Variants in SMIM10L1 observed in about 807,000 individuals in gnomAD.
The protein encoded by SMIM10L1 is small integral membrane protein 10-like protein 1.
In SMIM10L1, 6 loss-of-function variants were observed where a neutral mutation model predicts 4.5. The ratio of observed to expected loss-of-function variants is 1.33; its 90% CI spans 0.73 to 2.62. SMIM10L1 has a LOEUF of 2.62. Ranked by LOEUF, SMIM10L1 falls within the 30% of genes most tolerant of loss-of-function variation. The pLI, the probability that SMIM10L1 is intolerant of heterozygous loss-of-function variation, is 0.00. For missense variants in SMIM10L1, 66 were observed against 86.2 expected (o/e 0.77, Z 0.93); for synonymous variants, 49 against 42.2 (o/e 1.16, Z -0.63).
At position 11,173,968 on chromosome 12, in the gene SMIM10L1, T is replaced by C. The variant is rs1021155387; in HGVS notation, c.*2405T>C. On this transcript the variant is annotated 3_prime_UTR_variant, in exon 1 of 1. Transcript: ENST00000622602. ...TACTACTTACTATATATGTATACAG[T>C]ATATAAGTATATATGTATAGTTACT... The C allele has an allele frequency of 4.0e-5, 6 of 151,370 alleles. No individual in the cohort carries two copies. Among genetic ancestry groups the C allele is most frequent in the African/African-American group, 1.2e-4 (5 of 41,228 alleles). 9.4% of individuals were successfully genotyped at this position (151,370 alleles called of 1,614,324 possible).
rs1002088914 is a variant in SMIM10L1, at chr12:11,173,330, C to CA, written c.*1767_*1768insA. ...ATAGCCTTTTCTACCTGAAGATACT[C>CA]TGTGTTTTAAAGCTAAGCTTAGGTG... On this transcript the variant is annotated 3_prime_UTR_variant, in exon 1 of 1. Coordinates refer to ENST00000622602, the MANE Select transcript of SMIM10L1 (RefSeq NM_001271592.2). The CA allele has an allele frequency of 4.6e-5, 7 of 152,150 alleles. No individual in the cohort carries two copies. Among genetic ancestry groups the CA allele is most frequent in the Admixed American group, 1.3e-4 (2 of 15,276 alleles). 9.4% of individuals were successfully genotyped at this position (152,150 alleles called of 1,614,324 possible).
At position 11,171,386 on chromosome 12, in the gene SMIM10L1, G is replaced by A. The variant is rs1444451649; in HGVS notation, c.30G>A (p.Leu10=). MAPAAAPSS[L]AVRASSPAAT... Reference sequence around the variant, plus strand: ...CCCCCGCGGCGGCTCCGTCCTCCTTGGCCGTCAGGGCCTCAAGCCCCGCCG... The same window carrying A: ...CCCCCGCGGCGGCTCCGTCCTCCTTAGCCGTCAGGGCCTCAAGCCCCGCCG... The change falls in exon 1 of 1, where the codon TTG becomes TTA. Residue 10 remains leucine, a synonymous_variant. Coordinates refer to ENST00000622602, the MANE Select transcript of SMIM10L1 (RefSeq NM_001271592.2). The A allele has an allele frequency of 2.4e-6, 3 of 1,231,880 alleles. No individual in the cohort carries two copies. Among genetic ancestry groups the A allele is most frequent in the Non-Finnish European group, 3.0e-6 (3 of 987,890 alleles). 76.3% of individuals were successfully genotyped at this position (1,231,880 alleles called of 1,614,324 possible).
In SMIM10L1 at chr12:11,174,927, A is replaced by G. The variant is rs748311959; in HGVS notation, c.*3364A>G. 3.3e-5 allele frequency: 5 copies of G among 152,578 alleles called. No individual in the cohort carries two copies. Among genetic ancestry groups the G allele is most frequent in the Non-Finnish European group, 7.4e-5 (5 of 68,022 alleles). 9.5% of individuals were successfully genotyped at this position (152,578 alleles called of 1,614,324 possible). On this transcript the variant is annotated 3_prime_UTR_variant, in exon 1 of 1. Transcript: ENST00000622602. ...TAAATTCCTAAGGTCATGATAACCA[A>G]CCAGACCTCAAATGAATCTCCAGTA...
chr12:11,171,870 T>C lies in SMIM10L1; in HGVS notation c.*307T>C, dbSNP rs1400593691. The C allele has an allele frequency of 1.2e-5, 3 of 243,016 alleles. No homozygotes were observed. The highest frequency in any genetic ancestry group is 1.2e-3 in the Middle Eastern group (1 of 828). 15.1% of individuals were successfully genotyped at this position (243,016 alleles called of 1,614,324 possible). On this transcript the variant is annotated 3_prime_UTR_variant, in exon 1 of 1. Coordinates refer to ENST00000622602, the MANE Select transcript of SMIM10L1 (RefSeq NM_001271592.2). ...AATGTGACAAAGCGCAGAGGATGCA[T>C]TATTTCAAAACAAAACAGAAGGCTA...
chr12:11,174,330 T>G lies in SMIM10L1; in HGVS notation c.*2767T>G, dbSNP rs186540414. On this transcript the variant is annotated 3_prime_UTR_variant, in exon 1 of 1. Transcript: ENST00000622602. ...TCCCCAAGCCTAGAGCACTGCCCAG[T>G]GCGGAATAGCTAATAAATATTGTTG... 3.3e-5 allele frequency: 5 copies of G among 152,304 alleles called. No individual in the cohort carries two copies. In the East Asian group the frequency reaches 9.6e-4, roughly 29 times the overall value. The allele number at this position is 152,304 out of a possible 1,614,324, so 9.4% of individuals were successfully genotyped here. A position where few individuals can be genotyped will look rare whatever the true frequency, so the allele number is the denominator to read the frequency against.
rs1328705478 is a variant in SMIM10L1, at chr12:11,173,060, C to T, written c.*1497C>T. The T allele has an allele frequency of 6.6e-6, 1 of 150,392 alleles. No homozygotes were observed. Among genetic ancestry groups the T allele is most frequent in the Non-Finnish European group, 1.5e-5 (1 of 67,570 alleles). The allele number at this position is 150,392 out of a possible 1,614,324, so 9.3% of individuals were successfully genotyped here. ...AATCAAGATCTGATATAGAAAAGTG[C>T]AGAAAAAGTAGTATACGCATTTTTT... On this transcript the variant is annotated 3_prime_UTR_variant, in exon 1 of 1. Coordinates refer to ENST00000622602, the MANE Select transcript of SMIM10L1 (RefSeq NM_001271592.2).
At position 11,171,731 on chromosome 12, in the gene SMIM10L1, C is replaced by T. The variant is rs1947857081; in HGVS notation, c.*168C>T. ...CTAGCGGAGCTCCTCAGGGGGCGGC[C>T]GGGAGCCTACAATCCCTAGAAAGAG... On this transcript the variant is annotated 3_prime_UTR_variant, in exon 1 of 1. Coordinates refer to ENST00000622602, the MANE Select transcript of SMIM10L1 (RefSeq NM_001271592.2). 1 of 427,150 alleles carries T rather than the reference C, an allele frequency of 2.3e-6. No individual in the cohort carries two copies. Among genetic ancestry groups the T allele is most frequent in the Non-Finnish European group, 3.9e-6 (1 of 253,616 alleles). 26.5% of individuals were successfully genotyped at this position (427,150 alleles called of 1,614,324 possible). A position where few individuals can be genotyped will look rare whatever the true frequency, so the allele number is the denominator to read the frequency against.
In SMIM10L1 at chr12:11,171,411, G is replaced by A. The variant is rs1236090900; in HGVS notation, c.55G>A (p.Ala19Thr). The A allele has an allele frequency of 2.4e-6, 3 of 1,231,940 alleles. No homozygotes were observed. Among genetic ancestry groups the A allele is most frequent in the Non-Finnish European group, 2.0e-6 (2 of 987,920 alleles). The allele number at this position is 1,231,940 out of a possible 1,614,324, so 76.3% of individuals were successfully genotyped here. A position where few individuals can be genotyped will look rare whatever the true frequency, so the allele number is the denominator to read the frequency against. ...GGCCGTCAGGGCCTCAAGCCCCGCCGCGACACCCACCTCGTACGGCGTCTT... is the reference window on the plus strand; with the variant it reads ...GGCCGTCAGGGCCTCAAGCCCCGCCACGACACCCACCTCGTACGGCGTCTT... ...SLAVRASSPA[A>T]TPTSYGVFCK... The change falls in exon 1 of 1, where the codon GCG becomes ACG. Residue 19 changes from alanine (A) to threonine (T), a missense_variant. Coordinates refer to ENST00000622602, the MANE Select transcript of SMIM10L1 (RefSeq NM_001271592.2).
At position 11,175,386 on chromosome 12, in the gene SMIM10L1, G is replaced by T. The variant is rs564682679; in HGVS notation, c.*3823G>T. On this transcript the variant is annotated 3_prime_UTR_variant, in exon 1 of 1. Transcript: ENST00000622602. ...AAATCTTGCAGTTTGCTTTTAATGG[G>T]AGATCTTTCTGGCAGGACATCAATA... The T allele has an allele frequency of 9.9e-5, 15 of 152,272 alleles. No homozygotes were observed. The highest frequency in any genetic ancestry group is 3.6e-4 in the African/African-American group (15 of 41,556). 9.4% of individuals were successfully genotyped at this position (152,272 alleles called of 1,614,324 possible).
rs1369194187 is a variant in SMIM10L1, at chr12:11,173,008, T to C, written c.*1445T>C. The C allele has an allele frequency of 1.3e-5, 2 of 151,898 alleles. No individual in the cohort carries two copies. Among genetic ancestry groups the C allele is most frequent in the East Asian group, 3.9e-4 (2 of 5,186 alleles). The allele number at this position is 151,898 out of a possible 1,614,324, so 9.4% of individuals were successfully genotyped here. A position where few individuals can be genotyped will look rare whatever the true frequency, so the allele number is the denominator to read the frequency against. On this transcript the variant is annotated 3_prime_UTR_variant, in exon 1 of 1. Transcript: ENST00000622602. ...TTCTTCGGATTAAAAAAACTAATAA[T>C]AAATCACCAAGAGTGGTAAAGTTTT...
chr12:11,172,670 C>T lies in SMIM10L1; in HGVS notation c.*1107C>T, dbSNP rs1947880908. On this transcript the variant is annotated 3_prime_UTR_variant, in exon 1 of 1. Transcript: ENST00000622602. ...ATTTGAATACAGCCTAGAGAGCTTT[C>T]ATTTTCCAAAGAGTGTGGGGATAAA... 6.6e-6 allele frequency: 1 copy of T among 152,140 alleles called. No individual in the cohort carries two copies. Among genetic ancestry groups the T allele is most frequent in the African/African-American group, 2.4e-5 (1 of 41,424 alleles). The allele number at this position is 152,140 out of a possible 1,614,324, so 9.4% of individuals were successfully genotyped here.
rs1246109226 is a variant in SMIM10L1, at chr12:11,174,177, A to C, written c.*2614A>C. ...CATGATGCAATTCAGTGAAATTCCC[A>C]GGAGACAAAACAAGATTTTGACCTG... On this transcript the variant is annotated 3_prime_UTR_variant, in exon 1 of 1. Coordinates refer to ENST00000622602, the MANE Select transcript of SMIM10L1 (RefSeq NM_001271592.2). 1 of 152,102 alleles carries C rather than the reference A, an allele frequency of 6.6e-6. No homozygotes were observed. The highest frequency in any genetic ancestry group is 1.5e-5 in the Non-Finnish European group (1 of 67,978). The allele number at this position is 152,102 out of a possible 1,614,324, so 9.4% of individuals were successfully genotyped here.
Position 11,171,892 on chromosome 12 carries a change from G to T in SMIM10L1, c.*329G>T, listed in dbSNP as rs981649931. 1 of 194,478 alleles carries T rather than the reference G, an allele frequency of 5.1e-6. No homozygotes were observed. 12.0% of individuals were successfully genotyped at this position (194,478 alleles called of 1,614,324 possible). A position where few individuals can be genotyped will look rare whatever the true frequency, so the allele number is the denominator to read the frequency against. On this transcript the variant is annotated 3_prime_UTR_variant, in exon 1 of 1. Transcript: ENST00000622602. Reference sequence around the variant, plus strand: ...GCATTATTTCAAAACAAAACAGAAGGCTAAAATTTGCAGGAAAAAGAAAAT... The same window carrying T: ...GCATTATTTCAAAACAAAACAGAAGTCTAAAATTTGCAGGAAAAAGAAAAT...
In SMIM10L1 at chr12:11,171,810, A is replaced by G. The variant is rs1021604745; in HGVS notation, c.*247A>G. Reference sequence around the variant, plus strand: ...GTTAAGACCCTCGAAAACATCTAAGAAAGTGTGCATCCTAAAACACCTGAC... The same window carrying G: ...GTTAAGACCCTCGAAAACATCTAAGGAAGTGTGCATCCTAAAACACCTGAC... On this transcript the variant is annotated 3_prime_UTR_variant, in exon 1 of 1. Transcript: ENST00000622602. 6.0e-5 allele frequency: 21 copies of G among 352,006 alleles called. No homozygotes were observed. Among genetic ancestry groups the G allele is most frequent in the Non-Finnish European group, 3.0e-5 (6 of 196,876 alleles). 21.8% of individuals were successfully genotyped at this position (352,006 alleles called of 1,614,324 possible). A position where few individuals can be genotyped will look rare whatever the true frequency, so the allele number is the denominator to read the frequency against.
In SMIM10L1 at chr12:11,175,072, A is replaced by G. The variant is rs544799827; in HGVS notation, c.*3509A>G. On this transcript the variant is annotated 3_prime_UTR_variant, in exon 1 of 1. Transcript: ENST00000622602. ...TACCTGGGTAATAGTTATTTTTTTTAACATAACTATTGAGGGTCTTTCATA... is the reference window on the plus strand; with the variant it reads ...TACCTGGGTAATAGTTATTTTTTTTGACATAACTATTGAGGGTCTTTCATA... The G allele has an allele frequency of 1.3e-5, 2 of 152,162 alleles. No individual in the cohort carries two copies. Among genetic ancestry groups the G allele is most frequent in the African/African-American group, 4.8e-5 (2 of 41,536 alleles). 9.4% of individuals were successfully genotyped at this position (152,162 alleles called of 1,614,324 possible).
rs1277234487 is a variant in SMIM10L1, at chr12:11,172,107, ATGC to A, written c.*548_*550del. On this transcript the variant is annotated 3_prime_UTR_variant, in exon 1 of 1. Transcript: ENST00000622602. ...TCATCCTCCAAGTACCAGACATAAAATGCTGCAAGCTTTTGAACTAATGGCGAG... is the reference window on the plus strand; with the variant it reads ...TCATCCTCCAAGTACCAGACATAAAATGCAAGCTTTTGAACTAATGGCGAG... 3.9e-5 allele frequency: 6 copies of A among 152,186 alleles called. No homozygotes were observed. The highest frequency in any genetic ancestry group is 7.2e-5 in the African/African-American group (3 of 41,442). 9.4% of individuals were successfully genotyped at this position (152,186 alleles called of 1,614,324 possible). A position where few individuals can be genotyped will look rare whatever the true frequency, so the allele number is the denominator to read the frequency against.
In SMIM10L1 at chr12:11,172,638, C is replaced by G. The variant is rs1170768795; in HGVS notation, c.*1075C>G. 3 of 152,080 alleles carry G rather than the reference C, an allele frequency of 2.0e-5. No homozygotes were observed. In the East Asian group the frequency reaches 5.8e-4, roughly 29 times the overall value. 9.4% of individuals were successfully genotyped at this position (152,080 alleles called of 1,614,324 possible). ...TAAAAAATGAAAATTGATAGAGTAC[C>G]TGGTGTATTTGAATACAGCCTAGAG... On this transcript the variant is annotated 3_prime_UTR_variant, in exon 1 of 1. Coordinates refer to ENST00000622602, the MANE Select transcript of SMIM10L1 (RefSeq NM_001271592.2).
At position 11,171,595 on chromosome 12, in the gene SMIM10L1, A is replaced by G; in HGVS notation, c.*32A>G. ...GACTAAGCTAACGGCCTCCGGGGCC[A>G]GCATGATGGCCGACTCCCAGGGTCC... On this transcript the variant is annotated 3_prime_UTR_variant, in exon 1 of 1. Transcript: ENST00000622602. 2 of 1,224,088 alleles carry G rather than the reference A, an allele frequency of 1.6e-6. No homozygotes were observed. The highest frequency in any genetic ancestry group is 4.2e-5 in the Admixed American group (1 of 23,710). The allele number at this position is 1,224,088 out of a possible 1,614,324, so 75.8% of individuals were successfully genotyped here.
chr12:11,173,989 T>C lies in SMIM10L1; in HGVS notation c.*2426T>C, dbSNP rs1206691682. ...ACAGTATATAAGTATATATGTATAG[T>C]TACTACTTACAATATATGCATAAAG... On this transcript the variant is annotated 3_prime_UTR_variant, in exon 1 of 1. Coordinates refer to ENST00000622602, the MANE Select transcript of SMIM10L1 (RefSeq NM_001271592.2). 6.6e-6 allele frequency: 1 copy of C among 151,472 alleles called. No homozygotes were observed. The highest frequency in any genetic ancestry group is 2.4e-5 in the African/African-American group (1 of 41,236). 9.4% of individuals were successfully genotyped at this position (151,472 alleles called of 1,614,324 possible). A position where few individuals can be genotyped will look rare whatever the true frequency, so the allele number is the denominator to read the frequency against.
Sources: allele counts gnomAD v4.1 joint callset, GRCh38; gene constraint gnomAD v4.1.1; transcripts MANE v1.5; gene names NCBI Gene and HGNC (gene_info 2026-07-23, HGNC 2026-07-21).